CNNM2: variants seen among roughly 807,000 people sequenced by gnomAD.
CNNM2 encodes the protein cyclin and CBS domain divalent metal cation transport mediator 2, also known as metal transporter CNNM2.
A neutral mutation model predicts 66.9 loss-of-function variants in CNNM2; 12 were observed. That is an observed-to-expected ratio of 0.18 (90% CI 0.11 to 0.29). The LOEUF is 0.29. Among genes scored for constraint, CNNM2 ranks in the 10% least tolerant of loss-of-function variants. The pLI, the probability that CNNM2 is intolerant of heterozygous loss-of-function variation, is 1.00. For missense variants in CNNM2, 705 were observed against 1,167.7 expected (o/e 0.60, Z 5.77); for synonymous variants, 557 against 501.8 (o/e 1.11, Z -1.47).
At chr10:103,022,094 A>G (rs1316453103) in intron 1 of CNNM2, among the ~76,000 whole-genome samples, 1 of 152,202 alleles carries the variant, frequency 6.6e-6, no homozygotes. Context: ...AGCAGCCACA[A>G]TTCTGACTTC....
In CNNM2 at chr10:102,918,666, C is replaced by T. The variant is rs1845513551; in HGVS notation, c.186C>T (p.Gly62=). Residue 62 remains glycine, a synonymous_variant, in exon 1 of 8, where the codon GGC becomes GGT. Coordinates refer to ENST00000369878, the MANE Select transcript of CNNM2 (RefSeq NM_017649.5). The surrounding 1 kb of genome is among the most constrained non-coding windows in gnomAD (Gnocchi z 4.1). ...LLLSCCCGAG[G]CAAVGENEET... ...TGAGCTGCTGCTGCGGTGCGGGCGG[C>T]TGCGCAGCGGTGGGCGAGAATGAGG... 6.5e-7 allele frequency: 1 copy of T among 1,550,226 alleles called. No homozygotes were observed. The highest frequency in any genetic ancestry group is 8.7e-7 in the Non-Finnish European group (1 of 1,147,480).
At chr10:103,072,411 C>T (rs1236680690) in intron 6 of CNNM2, among the ~76,000 whole-genome samples, 1 of 152,142 alleles carries the variant, frequency 6.6e-6, no homozygotes, top group Non-Finnish European at 1.5e-5. Flanking sequence ...AGGCAGGCGG[C>T]CCTACTTCTC....
At chr10:103,018,976 G>A (rs2064512737) in intron 1 of CNNM2, among the ~76,000 whole-genome samples, 1 of 148,746 alleles carries the variant, frequency 6.7e-6, no homozygotes, top group African/African-American at 2.4e-5. Flanking sequence ...TTTCTTAAAA[G>A]GATATTTACG....
At chr10:103,052,112 TA>T (rs879864467) in intron 2 of CNNM2, among the ~76,000 whole-genome samples, 77 of 144,876 alleles carry the variant, frequency 5.3e-4, no homozygotes, top group Admixed American at 6.2e-4. Context: ...CTGACTCTAC[TA>T]AAAAAAAAAA....
chr10:102,958,204 G>C (rs1847119953), intron 1 of CNNM2, among the ~76,000 whole-genome samples: 1 of 152,196 alleles, frequency 6.6e-6, no homozygotes, highest in African/African-American at 2.4e-5. Flanking sequence ...CCAAAGTGCT[G>C]GGATTACAGG....
intron 4 of CNNM2, among the ~76,000 whole-genome samples, chr10:103,059,612 G>GT (rs1207718064): frequency 6.6e-6 from 1 of 152,118 alleles, no homozygotes; most frequent in African/African-American, 2.4e-5. Flanking sequence ...AATAAAGACA[G>GT]TTAAAAGCAC....
chr10:102,969,033 CT>C (rs1366021079), intron 1 of CNNM2, among the ~76,000 whole-genome samples: 2 of 149,992 alleles, frequency 1.3e-5, no homozygotes, highest in Non-Finnish European at 3.0e-5. Context: ...CCCACTTAAA[CT>C]TTCCGAGTAG....
At chr10:103,053,885 TC>T (rs1213662273) in intron 2 of CNNM2, among the ~76,000 whole-genome samples, 1 of 152,188 alleles carries the variant, frequency 6.6e-6, no homozygotes, top group Non-Finnish European at 1.5e-5. Flanking sequence ...GGAAGGGGCC[TC>T]TTACAGGCAG....
At chr10:103,035,888 T>G (rs1471521016) in intron 1 of CNNM2, among the ~76,000 whole-genome samples, 2 of 152,244 alleles carry the variant, frequency 1.3e-5, no homozygotes, top group Non-Finnish European at 2.9e-5. Context: ...TTCAGAGGGT[T>G]ACTTTACTTT....
intron 1 of CNNM2, among the ~76,000 whole-genome samples, chr10:102,949,791 A>T (rs1590295794): frequency 6.6e-6 from 1 of 152,114 alleles, no homozygotes; most frequent in African/African-American, 2.4e-5. Context: ...ACTCCATCTC[A>T]AATAATAATA....
In CNNM2 at chr10:103,086,837, C is replaced by T. The variant is rs1419185210; in HGVS notation, c.*9657C>T. 7 of 152,200 alleles carry T rather than the reference C, an allele frequency of 4.6e-5. No individual in the cohort carries two copies. Among genetic ancestry groups the T allele is most frequent in the African/African-American group, 1.4e-4 (6 of 41,448 alleles). 9.4% of individuals were successfully genotyped at this position (152,200 alleles called of 1,614,324 possible). On this transcript the variant is annotated 3_prime_UTR_variant, in exon 8 of 8. Coordinates refer to ENST00000369878, the MANE Select transcript of CNNM2 (RefSeq NM_017649.5). ...CCTAAACTTTCTTGGCTGTGACCAA[C>T]TTTTCTGAAGTACACCATCAGAGTT...
intron 1 of CNNM2, among the ~76,000 whole-genome samples, chr10:103,028,134 G>T (rs1229827595): frequency 6.6e-6 from 1 of 152,180 alleles, no homozygotes; most frequent in African/African-American, 2.4e-5. Context: ...GAACTGAGGT[G>T]ATGTTCCATA....
intron 1 of CNNM2, among the ~76,000 whole-genome samples, chr10:103,016,479 G>A (rs376724294): frequency 1.3e-5 from 2 of 152,026 alleles, no homozygotes; most frequent in African/African-American, 2.4e-5. Flanking sequence ...CCCTGCCTTC[G>A]TGGATTCAGT....
chr10:102,976,602 G>A (rs1425697133), intron 1 of CNNM2, among the ~76,000 whole-genome samples: 2 of 122,568 alleles, frequency 1.6e-5, no homozygotes, highest in Admixed American at 8.6e-5. Context: ...TGCGCCACAC[G>A]CCCAGGTAAT....
intron 1 of CNNM2, among the ~76,000 whole-genome samples, chr10:102,929,962 T>A (rs1846011531): frequency 6.6e-6 from 1 of 152,212 alleles, no homozygotes. Flanking sequence ...CAGTGTAAAT[T>A]TATAATGATT....
In CNNM2 at chr10:102,972,764, G is replaced by A. The variant is rs554606701; in HGVS notation, c.1621+52663G>A. Among the ~76,000 whole-genome samples, 19 of 152,300 alleles carry A rather than the reference G, an allele frequency of 1.2e-4. No individual in the cohort carries two copies. In the South Asian group the frequency reaches 3.7e-3, roughly 30 times the overall value. ...TTGAGAGTGTGAAGGGGGTGGTGCT[G>A]CTTGGTTCCTTTTACTTAACATTCA... On this transcript the variant is annotated intron_variant, in intron 1 of 7. Coordinates refer to ENST00000369878, the MANE Select transcript of CNNM2 (RefSeq NM_017649.5).
chr10:102,992,725 G>A (rs997294142), intron 1 of CNNM2, among the ~76,000 whole-genome samples: 13 of 152,196 alleles, frequency 8.5e-5, no homozygotes, highest in African/African-American at 2.2e-4. Flanking sequence ...AGCCTGCCTC[G>A]GTACCACAGT....
Position 103,077,902 on chromosome 10 carries a change from C to A in CNNM2, c.*722C>A, listed in dbSNP as rs71471265. ...TTGGGAATGTGATTTTGCTCCCACCCTAAGGAATTTTTATCACCAAAATGA... is the reference window on the plus strand; with the variant it reads ...TTGGGAATGTGATTTTGCTCCCACCATAAGGAATTTTTATCACCAAAATGA... On this transcript the variant is annotated 3_prime_UTR_variant, in exon 8 of 8. Transcript: ENST00000369878. 1 of 152,644 alleles carries A rather than the reference C, an allele frequency of 6.6e-6. No homozygotes were observed. The highest frequency in any genetic ancestry group is 2.4e-5 in the African/African-American group (1 of 41,444). The allele number at this position is 152,644 out of a possible 1,614,324, so 9.5% of individuals were successfully genotyped here.
chr10:103,089,577 C>A lies in CNNM2; in HGVS notation c.*12397C>A. ...GACGTACCTTTCATGGAGCCCCCTC[C>A]CTCCCCCGAGTAGAACCCTAACAGG... On this transcript the variant is annotated 3_prime_UTR_variant, in exon 8 of 8. Transcript: ENST00000369878. The A allele has an allele frequency of 7.0e-7, 1 of 1,430,890 alleles. No individual in the cohort carries two copies. The highest frequency in any genetic ancestry group is 9.2e-7 in the Non-Finnish European group (1 of 1,090,420). The allele number at this position is 1,430,890 out of a possible 1,614,324, so 88.6% of individuals were successfully genotyped here.
Sources: allele counts gnomAD v4.1 joint callset (sites outside exome capture counted in the v4.1 genomes callset), GRCh38; gene constraint gnomAD v4.1.1; non-coding constraint Gnocchi (gnomAD v3.1); transcripts MANE v1.5; gene names NCBI Gene and HGNC (gene_info 2026-07-23, HGNC 2026-07-21).